The following PKIA variants were observed in gnomAD, a reference collection of about 807,000 sequenced individuals.
The protein encoded by PKIA is cAMP-dependent protein kinase inhibitor alpha, also known as PKI-alpha.
In PKIA, 4 loss-of-function variants were observed where a neutral mutation model predicts 7.6. That is an observed-to-expected ratio of 0.52 (90% CI 0.26 to 1.20). The LOEUF (loss-of-function observed/expected upper bound fraction) is 1.20, where lower values mean the gene tolerates loss of function less well. Among genes scored for constraint, PKIA ranks in the 50% most tolerant of loss-of-function variants. PKIA has a pLI of 0.13. For missense variants in PKIA, 73 were observed against 86.2 expected (o/e 0.85, Z 0.61); for synonymous variants, 21 against 30.7 (o/e 0.68, Z 1.04).
chr8:78,594,291 A>C (rs969904304), intron 2 of PKIA, among the ~76,000 whole-genome samples: 3 of 152,168 alleles, frequency 2.0e-5, no homozygotes. Context: ...CCAGCACAGC[A>C]GCAGAGAAAC....
chr8:78,589,703 T>C (rs894089585), intron 2 of PKIA, among the ~76,000 whole-genome samples: 1 of 152,152 alleles, frequency 6.6e-6, no homozygotes, highest in Non-Finnish European at 1.5e-5. Flanking sequence ...ACAATTAGTA[T>C]TTTTTTAGTT....
Position 78,602,694 on chromosome 8 carries a change from A to AATATATATATATATATATAT in PKIA, c.*874_*893dup, listed in dbSNP as rs34597437. 1.9e-3 allele frequency: 264 copies of AATATATATATATATATATAT among 136,920 alleles called. 3 individuals are homozygous for AATATATATATATATATATAT. The highest frequency in any genetic ancestry group is 6.4e-3 in the African/African-American group (230 of 35,756). The allele number at this position is 136,920 out of a possible 1,614,324, so 8.5% of individuals were successfully genotyped here. On this transcript the variant is annotated 3_prime_UTR_variant, in exon 4 of 4. Transcript: ENST00000396418. ...CTCAAGTGGAGAACTTCTCCCACAT[A>AATATATATATATATATATAT]ATATATATATATATATATATTTTAA...
At chr8:78,529,687 G>A (rs917710135) in intron 1 of PKIA, among the ~76,000 whole-genome samples, 1 of 151,856 alleles carries the variant, frequency 6.6e-6, no homozygotes, top group African/African-American at 2.4e-5. Flanking sequence ...TACATAACAG[G>A]TCACAGGTGT....
chr8:78,578,568 G>A (rs61066660), intron 2 of PKIA, among the ~76,000 whole-genome samples: 19 of 151,760 alleles, frequency 1.3e-4, no homozygotes, highest in South Asian at 6.2e-4. Flanking sequence ...AAAAGCTCTC[G>A]TTAGAATATC....
Position 78,601,900 on chromosome 8 carries a change from G to A in PKIA, c.*79G>A. 2 of 1,116,208 alleles carry A rather than the reference G, an allele frequency of 1.8e-6. No homozygotes were observed. The highest frequency in any genetic ancestry group is 1.9e-5 in the Admixed American group (1 of 51,612). 69.1% of individuals were successfully genotyped at this position (1,116,208 alleles called of 1,614,324 possible). On this transcript the variant is annotated 3_prime_UTR_variant, in exon 4 of 4. Coordinates refer to ENST00000396418, the MANE Select transcript of PKIA (RefSeq NM_006823.4). Reference sequence around the variant, plus strand: ...ATCTGGAATGCATTTGTTTCCATGAGTGAAAAGAGGAAAAAGAAAATGGCT... The same window carrying A: ...ATCTGGAATGCATTTGTTTCCATGAATGAAAAGAGGAAAAAGAAAATGGCT...
intron 2 of PKIA, among the ~76,000 whole-genome samples, chr8:78,590,291 A>G (rs145145756): frequency 2.0e-5 from 3 of 152,028 alleles, no homozygotes; most frequent in East Asian, 1.9e-4. Context: ...GTTAAAAAAA[A>G]AAAAAGAAAA....
intron 2 of PKIA, among the ~76,000 whole-genome samples, chr8:78,575,541 G>C (rs542343536): frequency 1.4e-4 from 22 of 151,912 alleles, no homozygotes; most frequent in African/African-American, 5.1e-4. Flanking sequence ...TGTTATTTGA[G>C]TTGTTTTGGA....
intron 2 of PKIA, among the ~76,000 whole-genome samples, chr8:78,583,707 G>C (rs913031151): frequency 6.6e-6 from 1 of 152,024 alleles, no homozygotes; most frequent in African/African-American, 2.4e-5. Context: ...GTGGGGACTG[G>C]AGTTGTCATA....
intron 3 of PKIA, among the ~76,000 whole-genome samples, chr8:78,599,583 A>C (rs1808307288): frequency 6.6e-6 from 1 of 152,050 alleles, no homozygotes; most frequent in Admixed American, 6.6e-5. Context: ...ATAAAACTTT[A>C]ACATCACCAC....
At chr8:78,564,109 C>G (rs1807349132) in intron 1 of PKIA, among the ~76,000 whole-genome samples, 1 of 151,320 alleles carries the variant, frequency 6.6e-6, no homozygotes, top group Non-Finnish European at 1.5e-5. Flanking sequence ...AGCAACACAT[C>G]AGCTGAGAGA....
chr8:78,598,283 T>A, intron 2 of PKIA, 75 bp from the exon 3 acceptor site: 1 of 854,676 alleles, frequency 1.2e-6, no homozygotes, highest in Non-Finnish European at 1.8e-6. Flanking sequence ...TTCACATTCA[T>A]ATACTAAGTC....
At chr8:78,559,256 T>C (rs1334060142) in intron 1 of PKIA, among the ~76,000 whole-genome samples, 1 of 152,116 alleles carries the variant, frequency 6.6e-6, no homozygotes, top group East Asian at 1.9e-4. Flanking sequence ...ATCTCACATA[T>C]ATACTACCGA....
At chr8:78,554,370 A>G (rs1807075074) in intron 1 of PKIA, among the ~76,000 whole-genome samples, 1 of 151,984 alleles carries the variant, frequency 6.6e-6, no homozygotes, top group Non-Finnish European at 1.5e-5. Context: ...TTCTAAAGGA[A>G]GAGAAAGCTT....
At chr8:78,544,356 C>A (rs1277089263) in intron 1 of PKIA, among the ~76,000 whole-genome samples, 1 of 152,168 alleles carries the variant, frequency 6.6e-6, no homozygotes, top group Non-Finnish European at 1.5e-5. Context: ...TTCCTCCATA[C>A]TTCACCTGCC....
At chr8:78,549,183 T>C (rs1309310687) in intron 1 of PKIA, among the ~76,000 whole-genome samples, 4 of 152,182 alleles carry the variant, frequency 2.6e-5, no homozygotes, top group East Asian at 1.9e-4. Flanking sequence ...CCAAAGGAGT[T>C]TGAAGTCATA....
rs1808374392 is a variant in PKIA at position 78,602,589 on chromosome 8, C to T, written c.*768C>T. 6.6e-6 allele frequency: 1 copy of T among 151,864 alleles called. No individual in the cohort carries two copies. Among genetic ancestry groups the T allele is most frequent in the Admixed American group, 6.6e-5 (1 of 15,146 alleles). The allele number at this position is 151,864 out of a possible 1,614,324, so 9.4% of individuals were successfully genotyped here. On this transcript the variant is annotated 3_prime_UTR_variant, in exon 4 of 4. Coordinates refer to ENST00000396418, the MANE Select transcript of PKIA (RefSeq NM_006823.4). Reference sequence around the variant, plus strand: ...TATTATAGAGACATTTGAAAATATCCATTAATGTGAATATCACCTGAATTC... The same window carrying T: ...TATTATAGAGACATTTGAAAATATCTATTAATGTGAATATCACCTGAATTC...
chr8:78,588,075 C>A (rs971773685), intron 2 of PKIA, among the ~76,000 whole-genome samples: 2 of 152,030 alleles, frequency 1.3e-5, no homozygotes, highest in African/African-American at 2.4e-5. Context: ...ATAAAGAGGT[C>A]AACATGAAAA....
chr8:78,528,299 C>A (rs1806299292), intron 1 of PKIA, among the ~76,000 whole-genome samples: 1 of 152,014 alleles, frequency 6.6e-6, no homozygotes, highest in African/African-American at 2.4e-5. Context: ...ATTAATGGTG[C>A]CTATTTTTGT....
At chr8:78,521,265 C>A (rs1430607412) in intron 1 of PKIA, among the ~76,000 whole-genome samples, 2 of 151,972 alleles carry the variant, frequency 1.3e-5, no homozygotes, top group Admixed American at 1.3e-4. Flanking sequence ...ATTAATATTT[C>A]TTTATGGTAA....
Sources: allele counts gnomAD v4.1 joint callset (sites outside exome capture counted in the v4.1 genomes callset), GRCh38; gene constraint gnomAD v4.1.1; transcripts MANE v1.5; gene names NCBI Gene and HGNC (gene_info 2026-07-23, HGNC 2026-07-21).